The following PIAS4 variants were observed in gnomAD, a reference collection of about 807,000 sequenced individuals.
PIAS4 encodes the protein protein inhibitor of activated STAT 4, also known as E3 SUMO-protein ligase PIAS4.
Under a neutral mutation model 58.0 loss-of-function variants are expected in PIAS4, and 7 were observed. The observed-to-expected ratio is 0.12, with a 90% CI of 0.07 to 0.23. The LOEUF (loss-of-function observed/expected upper bound fraction) is 0.23, where lower values mean the gene tolerates loss of function less well. Ranked by LOEUF, PIAS4 falls within the 10% of genes least tolerant of loss-of-function variation. The pLI is 1.00. For synonymous variants in PIAS4, 364 were observed against 312.4 expected, an observed-to-expected ratio of 1.17 and a Z score of -1.74; for missense variants, 550 against 709.5, an observed-to-expected ratio of 0.78 and a Z score of 2.55.
rs958749823 is a variant in PIAS4, at chr19:4,028,455, C to T, written c.582-55C>T. 23 of 1,325,426 alleles carry T rather than the reference C, an allele frequency of 1.7e-5. No homozygotes were observed. In the Admixed American group the frequency reaches 2.7e-4, roughly 16 times the overall value. 82.1% of individuals were successfully genotyped at this position (1,325,426 alleles called of 1,614,324 possible). A position where few individuals can be genotyped will look rare whatever the true frequency, so the allele number is the denominator to read the frequency against. On this transcript the variant is annotated intron_variant, in intron 4 of 10. Coordinates refer to ENST00000262971, the MANE Select transcript of PIAS4 (RefSeq NM_015897.4). The stretch of plus-strand genomic sequence containing the variant: ...TACCACTCGTGTACCCCCGCAGCAG[C>T]CTAGTCCCTCCTGTGCGCCCCCTCC...
At chr19:4,036,720 C>T (rs956165407) in intron 9 of PIAS4, among the ~76,000 whole-genome samples, 2 of 149,260 alleles carry the variant, frequency 1.3e-5, no homozygotes, top group Non-Finnish European at 3.0e-5. Context: ...ACACACACAT[C>T]TCTACAGTCC....
chr19:4,037,954 G>C lies in PIAS4; in HGVS notation c.*79G>C. 13 of 1,418,380 alleles carry C rather than the reference G, an allele frequency of 9.2e-6. No homozygotes were observed. The highest frequency in any genetic ancestry group is 1.1e-5 in the Non-Finnish European group (12 of 1,064,070). 87.9% of individuals were successfully genotyped at this position (1,418,380 alleles called of 1,614,324 possible). On this transcript the variant is annotated 3_prime_UTR_variant, in exon 11 of 11. Coordinates refer to ENST00000262971, the MANE Select transcript of PIAS4 (RefSeq NM_015897.4). The surrounding 1 kb of genome is among the most constrained non-coding windows in gnomAD (Gnocchi z 5.8). ...CAGCCTCGGGCGCAGAGGGAGGAGT[G>C]ACCTTTCTTTTTCTTTTTATTGTCG... is the stretch of plus-strand genomic sequence containing the variant.
At chr19:4,022,868 C>G (rs908490226) in intron 2 of PIAS4, among the ~76,000 whole-genome samples, 1 of 150,700 alleles carries the variant, frequency 6.6e-6, no homozygotes, top group Non-Finnish European at 1.5e-5. Flanking sequence ...CCACACCCTG[C>G]TGTTTTTTTA....
In PIAS4 at chr19:4,037,835, G is replaced by A. The variant is rs2040317796; in HGVS notation, c.1493G>A (p.Arg498His). 1.9e-6 allele frequency: 3 copies of A among 1,569,432 alleles called. No individual in the cohort carries two copies. Among genetic ancestry groups the A allele is most frequent in the Non-Finnish European group, 2.6e-6 (3 of 1,159,096 alleles). The change falls in exon 11 of 11, where the codon CGC (arginine) becomes CAC (histidine). Residue 498 changes from arginine to histidine, a missense_variant. Coordinates refer to ENST00000262971, the MANE Select transcript of PIAS4 (RefSeq NM_015897.4). This position sits in a 1 kb window ranked among gnomAD's most constrained non-coding sequence, Gnocchi z 5.8. ...GACGAAGAGGGGCCCCGGCCCAAGC[G>A]CCGCTGCCCCTTCCAGAAGGGCCTG... ...DEDEEGPRPK[R>H]RCPFQKGLVP... is the part of the protein sequence containing the mutation.
rs751023543 is a variant in PIAS4 at position 4,037,529 on chromosome 19, C to T, written c.1273+25C>T. ...GGTGAGTGCCTCACCCCACCAGCCG[C>T]GCAGTCCGCAGCCAGGGCCGCCTCA... is the stretch of plus-strand genomic sequence containing the variant. On this transcript the variant is annotated intron_variant, in intron 10 of 10. Coordinates refer to ENST00000262971, the MANE Select transcript of PIAS4 (RefSeq NM_015897.4). The surrounding 1 kb of genome is among the most constrained non-coding windows in gnomAD (Gnocchi z 5.8). 8 of 1,607,946 alleles carry T rather than the reference C, an allele frequency of 5.0e-6. No individual in the cohort carries two copies. The highest frequency in any genetic ancestry group is 2.2e-5 in the East Asian group (1 of 44,872).
intron 2 of PIAS4, among the ~76,000 whole-genome samples, chr19:4,018,086 A>G (rs1462291651): frequency 6.6e-6 from 1 of 152,252 alleles, no homozygotes; most frequent in Non-Finnish European, 1.5e-5. Context: ...TGCTGGGATT[A>G]TAGGCGTGAG....
At position 4,033,593 on chromosome 19, in the gene PIAS4, C is replaced by A; in HGVS notation, c.1142+13C>A. ...TCATCATCGACGGGTGAGCCCGGGGCCCCGGGGAGGGCGGCCGGAGCCGGA... is the reference window on the plus strand; with the variant it reads ...TCATCATCGACGGGTGAGCCCGGGGACCCGGGGAGGGCGGCCGGAGCCGGA... On this transcript the variant is annotated intron_variant, in intron 9 of 10. Coordinates refer to ENST00000262971, the MANE Select transcript of PIAS4 (RefSeq NM_015897.4). 1 of 1,591,014 alleles carries A rather than the reference C, an allele frequency of 6.3e-7. No homozygotes were observed. Among genetic ancestry groups the A allele is most frequent in the Non-Finnish European group, 8.6e-7 (1 of 1,169,424 alleles).
intron 3 of PIAS4, among the ~76,000 whole-genome samples, chr19:4,025,816 G>C (rs1305582478): frequency 6.6e-6 from 1 of 152,148 alleles, no homozygotes; most frequent in Non-Finnish European, 1.5e-5. Context: ...GCTCACAACT[G>C]TAATCGCAGC....
chr19:4,030,101 C>T (rs939287063), intron 7 of PIAS4, among the ~76,000 whole-genome samples: 2 of 151,214 alleles, frequency 1.3e-5, no homozygotes, highest in African/African-American at 2.4e-5. Context: ...GGATTACAGG[C>T]GTGAGCCACC....
At chr19:4,010,297 C>G (rs1043678900) in intron 1 of PIAS4, among the ~76,000 whole-genome samples, 1 of 152,176 alleles carries the variant, frequency 6.6e-6, no homozygotes, top group Non-Finnish European at 1.5e-5. Flanking sequence ...CTCCGGGAAG[C>G]GGGAGCTGCG....
Position 4,013,508 on chromosome 19 carries a change from G to C in PIAS4, c.454+159G>C, listed in dbSNP as rs1410580793. Among the ~76,000 whole-genome samples, 1 of 152,068 alleles carries C rather than the reference G, an allele frequency of 6.6e-6. No individual in the cohort carries two copies. Among genetic ancestry groups the C allele is most frequent in the Non-Finnish European group, 1.5e-5 (1 of 67,988 alleles). On this transcript the variant is annotated intron_variant, in intron 2 of 10. Transcript: ENST00000262971. The surrounding 1 kb of genome is among the most constrained non-coding windows in gnomAD (Gnocchi z 5.1). ...GGGGTGTCCTTCCTCGGAAGCAAAG[G>C]GACCATCTTTGATATTGGTCACCCC...
chr19:4,010,939 C>T lies in PIAS4; in HGVS notation c.28-1984C>T, dbSNP rs555324608. Among the ~76,000 whole-genome samples the T allele has an allele frequency of 3.6e-3, 543 of 152,342 alleles. 3 individuals carry two copies. The highest frequency in any genetic ancestry group is 0.014 in the Middle Eastern group (4 of 294). ...TCATTTTGAGCCTGGACAGCCTCTC[C>T]GTCTCCAACAGGACCCTGGCCCGAT... On this transcript the variant is annotated intron_variant, in intron 1 of 10. Transcript: ENST00000262971.
chr19:4,008,169 G>T (rs2039961305), intron 1 of PIAS4, among the ~76,000 whole-genome samples: 1 of 152,120 alleles, frequency 6.6e-6, no homozygotes. Flanking sequence ...GTTCCGAGCC[G>T]GGGTCCTTGC....
intron 9 of PIAS4, among the ~76,000 whole-genome samples, chr19:4,036,472 C>T (rs2040288298): frequency 6.8e-6 from 1 of 147,508 alleles, no homozygotes; most frequent in Non-Finnish European, 1.5e-5. Context: ...TCCACACCGT[C>T]ACACATCCAT....
intron 1 of PIAS4, 86 bp from the exon 2 acceptor site, chr19:4,012,837 G>C (rs1271568569): frequency 3.5e-6 from 5 of 1,417,952 alleles, no homozygotes; most frequent in Non-Finnish European, 4.8e-6. Context: ...TGTCTTTCAC[G>C]GCCCCCACAT....
At chr19:4,026,427 C>T (rs2040165344) in intron 3 of PIAS4, among the ~76,000 whole-genome samples, 1 of 151,408 alleles carries the variant, frequency 6.6e-6, no homozygotes, top group Non-Finnish European at 1.5e-5. Context: ...CCACCCTGCC[C>T]ATCCCACATT....
At chr19:4,026,924 T>C (rs1000030136) in intron 3 of PIAS4, among the ~76,000 whole-genome samples, 1 of 152,002 alleles carries the variant, frequency 6.6e-6, no homozygotes, top group African/African-American at 2.4e-5. Context: ...CTTGGCTCAC[T>C]GCAAGCTCTG....
At chr19:4,030,129 A>AT (rs2040209335) in intron 7 of PIAS4, among the ~76,000 whole-genome samples, 1 of 142,834 alleles carries the variant, frequency 7.0e-6, no homozygotes, top group Admixed American at 7.6e-5. Context: ...GCCCCAACTA[A>AT]TTTTTTAATG....
intron 2 of PIAS4, among the ~76,000 whole-genome samples, chr19:4,019,948 T>TCG (rs1349395528): frequency 1.3e-5 from 2 of 150,846 alleles, no homozygotes; most frequent in Admixed American, 6.6e-5. Context: ...AAATGGAGTC[T>TCG]CGCTGTCGCC....
Sources: gnomAD v4.1 joint callset for allele counts (sites outside exome capture counted in the v4.1 genomes callset) on GRCh38, gnomAD v4.1.1 for gene constraint, Gnocchi (gnomAD v3.1) non-coding constraint, MANE v1.5 for transcripts, NCBI Gene and HGNC (gene_info 2026-07-23, HGNC 2026-07-21) for gene names.